Variants in PRDM9 observed in about 807,000 individuals in gnomAD.
PRDM9 encodes the protein histone-lysine N-methyltransferase PRDM9.
In PRDM9, 47 loss-of-function variants were observed where a neutral mutation model predicts 55.6. The ratio of observed to expected loss-of-function variants is 0.85; its 90% confidence interval spans 0.67 to 1.08. The LOEUF is 1.08. PRDM9 is among the 50% of genes least tolerant of loss of function. The probability of loss-of-function intolerance (pLI) is 0.00; values close to 1 mark genes in which losing one functional copy is unlikely to be tolerated. For missense variants in PRDM9, 867 were observed against 1,040.3 expected (o/e 0.83, Z 2.29); for synonymous variants, 312 against 375.7 (o/e 0.83, Z 1.96).
intron 9 of PRDM9, among the ~76,000 whole-genome samples, chr5:23,523,617 C>T (rs975575664): frequency 5.9e-5 from 9 of 152,130 alleles, no homozygotes; most frequent in Non-Finnish European, 1.2e-4. Flanking sequence ...AGCCTAGATT[C>T]ACGGGGGACT....
chr5:23,524,771 T>C (rs1166084833), intron 10 of PRDM9, among the ~76,000 whole-genome samples: 3 of 152,232 alleles, frequency 2.0e-5, no homozygotes, highest in Non-Finnish European at 4.4e-5. Flanking sequence ...TATAACAGCA[T>C]ATAGTGCTGA....
chr5:23,514,966 C>CT (rs35577341), intron 4 of PRDM9, among the ~76,000 whole-genome samples: 32,241 of 142,166 alleles, frequency 0.23, 3,841 homozygotes, highest in East Asian at 0.37. Flanking sequence ...AATATTAACT[C>CT]TTTTTTTTTT....
rs1424119665 is a variant in PRDM9, at chr5:23,523,333, G to C, written c.925G>C (p.Asp309His). The change falls in exon 9 of 11, where the codon GAT (aspartate) becomes CAT (histidine). Residue 309 changes from aspartate (D) to histidine (H), a missense_variant. Physicochemically the swap from Asp to His is moderately conservative, Grantham distance 81 (BLOSUM62 -1). Transcript: ENST00000296682. ...RNCYEYVDGK[D>H]KSWANWMRYV... ...CTGCTATGAGTATGTGGATGGAAAAGATAAATCCTGGGCCAACTGGATGAG... is the reference window on the plus strand; with the variant it reads ...CTGCTATGAGTATGTGGATGGAAAACATAAATCCTGGGCCAACTGGATGAG... 3.7e-6 allele frequency: 6 copies of C among 1,613,952 alleles called. No homozygotes were observed. The highest frequency in any genetic ancestry group is 1.3e-5 in the African/African-American group (1 of 74,916).
chr5:23,528,001 C>G lies in PRDM9; in HGVS notation c.*228C>G. 3.0e-6 allele frequency: 2 copies of G among 663,254 alleles called. No homozygotes were observed. Among genetic ancestry groups the G allele is most frequent in the Non-Finnish European group, 5.1e-6 (2 of 388,824 alleles). The allele number at this position is 663,254 out of a possible 1,614,324, so 41.1% of individuals were successfully genotyped here. A position where few individuals can be genotyped will look rare whatever the true frequency, so the allele number is the denominator to read the frequency against. The stretch of plus-strand genomic sequence containing the variant: ...TCTGTAAGTGTTCGGGGGACATCAG[C>G]ATGTGTGGTTCTTTCCCGCACTGAT... On this transcript the variant is annotated 3_prime_UTR_variant, in exon 11 of 11. Transcript: ENST00000296682.
Position 23,526,462 on chromosome 5 carries a change from A to G in PRDM9, c.1374A>G (p.Glu458=). Residue 458 remains glutamate, a synonymous_variant, in exon 11 of 11, where the codon GAA becomes GAG. Coordinates refer to ENST00000296682, the MANE Select transcript of PRDM9 (RefSeq NM_020227.4). ...NDKTKGQEIK[E]RSKLLNKRTW... ...AAACCAAAGGTCAAGAGATCAAAGA[A>G]AGGTCCAAACTCTTGAATAAAAGGA... 6.2e-7 allele frequency: 1 copy of G among 1,614,180 alleles called. No individual in the cohort carries two copies. Among genetic ancestry groups the G allele is most frequent in the South Asian group, 1.1e-5 (1 of 91,082 alleles).
rs1739038485 is a variant in PRDM9, at chr5:23,509,099, C to T, written c.66C>T (p.Pro22=). ...EEDTERTERK[P]MVKDAFKDIS... The stretch of plus-strand genomic sequence containing the variant: ...ACACAGAGAGAACAGAGCGGAAGCC[C>T]ATGGTGAGAAGTGGAGGAAGCGAAG... The change falls in exon 2 of 11, where the codon CCC becomes CCT. Residue 22 remains proline, a synonymous_variant. Transcript: ENST00000296682. The T allele has an allele frequency of 6.2e-7, 1 of 1,613,942 alleles. No homozygotes were observed. Among genetic ancestry groups the T allele is most frequent in the Admixed American group, 1.7e-5 (1 of 60,006 alleles).
rs993047962 is a variant in PRDM9 at position 23,523,487 on chromosome 5, C to T, written c.950+129C>T. The T allele has an allele frequency of 3.4e-6, 3 of 874,886 alleles. No individual in the cohort carries two copies. The African/African-American group carries it at 5.1e-5, about 15-fold the overall frequency. 54.2% of individuals were successfully genotyped at this position (874,886 alleles called of 1,614,324 possible). ...TATTTCTATTTTTCTCCATACAATG[C>T]TGTTTTATACCATCAACATTTAGAA... On this transcript the variant is annotated intron_variant, in intron 9 of 10. Coordinates refer to ENST00000296682, the MANE Select transcript of PRDM9 (RefSeq NM_020227.4).
At chr5:23,516,724 C>CT (rs549115370) in intron 4 of PRDM9, among the ~76,000 whole-genome samples, 175 of 119,968 alleles carry the variant, frequency 1.5e-3, no homozygotes, top group Middle Eastern at 5.6e-3. Context: ...TTATAGTTTT[C>CT]TTTTTTTTTT....
chr5:23,520,238 G>A (rs1468759176), intron 5 of PRDM9, among the ~76,000 whole-genome samples: 1 of 149,018 alleles, frequency 6.7e-6, no homozygotes, highest in Non-Finnish European at 1.5e-5. Context: ...GGTGGCACAT[G>A]CCTGTAATCC....
At chr5:23,516,822 C>T (rs1277005554) in intron 4 of PRDM9, among the ~76,000 whole-genome samples, 8 of 146,596 alleles carry the variant, frequency 5.5e-5, no homozygotes, top group African/African-American at 1.3e-4. Context: ...CAGATTGAAG[C>T]GATTCTCCTG....
chr5:23,526,865 T>C lies in PRDM9; in HGVS notation c.1777T>C (p.Ser593Pro), dbSNP rs773785095. 3.1e-6 allele frequency: 5 copies of C among 1,600,826 alleles called. No individual in the cohort carries two copies. The highest frequency in any genetic ancestry group is 1.4e-5 in the African/African-American group (1 of 71,036). Residue 593 changes from serine (S) to proline (P), a missense_variant, in exon 11 of 11, where the codon TCA becomes CCA. By Grantham distance (74) the Ser-to-Pro change is moderately conservative. Transcript: ENST00000296682. ...GTGTGGGCGGGGCTTTAGCTGGCAGTCAGTCCTCCTCACTCACCAGAGGAC... is the reference window on the plus strand; with the variant it reads ...GTGTGGGCGGGGCTTTAGCTGGCAGCCAGTCCTCCTCACTCACCAGAGGAC... ...RECGRGFSWQ[S>P]VLLTHQRTHT...
chr5:23,526,704 T>G lies in PRDM9; in HGVS notation c.1616T>G (p.Val539Gly). ...CAAGGTTTCAGTGTTAAATCAGATGTTATTACACACCAAAGGACACATACA... is the reference window on the plus strand; with the variant it reads ...CAAGGTTTCAGTGTTAAATCAGATGGTATTACACACCAAAGGACACATACA... ...CGQGFSVKSD[V>G]ITHQRTHTGE... The change falls in exon 11 of 11, where the codon GTT (valine) becomes GGT (glycine). Residue 539 changes from valine (V) to glycine (G), a missense_variant. Val to Gly is a moderately radical substitution (Grantham distance 109, BLOSUM62 -3). This residue lies in a region of PRDM9 where 662 missense variants were observed against 711.9 expected (regional missense o/e 0.93). Coordinates refer to ENST00000296682, the MANE Select transcript of PRDM9 (RefSeq NM_020227.4). 6.2e-7 allele frequency: 1 copy of G among 1,614,246 alleles called. No homozygotes were observed.
chr5:23,518,892 G>C (rs1314021123), intron 5 of PRDM9, among the ~76,000 whole-genome samples: 2 of 152,204 alleles, frequency 1.3e-5, no homozygotes, highest in African/African-American at 4.8e-5. Context: ...CCAGATCAGG[G>C]CCTCTGAGAG....
Position 23,526,169 on chromosome 5 carries a change from A to G in PRDM9, c.1145-64A>G, listed in dbSNP as rs1739424115. 1.2e-5 allele frequency: 18 copies of G among 1,510,984 alleles called. 1 individual carries two copies. The Admixed American group carries it at 1.7e-4, about 14-fold the overall frequency. 93.6% of individuals were successfully genotyped at this position (1,510,984 alleles called of 1,614,324 possible). ...ATGATTGTTTCTTCATTTGATCTTC[A>G]TACCTTCATATGTGGTAAGGCCTGA... On this transcript the variant is annotated intron_variant, in intron 10 of 10. Transcript: ENST00000296682.
intron 5 of PRDM9, among the ~76,000 whole-genome samples, chr5:23,520,817 G>A (rs1170179932): frequency 3.3e-5 from 5 of 152,128 alleles, no homozygotes; most frequent in African/African-American, 1.2e-4. Context: ...TTTAGAGAAA[G>A]TTGAAGGAAA....
At chr5:23,510,443 C>T (rs1739072188) in intron 4 of PRDM9, among the ~76,000 whole-genome samples, 1 of 151,974 alleles carries the variant, frequency 6.6e-6, no homozygotes, top group South Asian at 2.1e-4. Flanking sequence ...ACTGCAGCCT[C>T]TGCCTTCCGG....
chr5:23,520,281 C>G (rs1383428738), intron 5 of PRDM9, among the ~76,000 whole-genome samples: 1 of 142,014 alleles, frequency 7.0e-6, no homozygotes, highest in African/African-American at 2.6e-5. Context: ...AGAAGAATCT[C>G]TTGAACTTGG....
intron 9 of PRDM9, 47 bp from the exon 10 acceptor site, chr5:23,524,287 G>A (rs762371270): frequency 6.3e-7 from 1 of 1,595,492 alleles, no homozygotes; most frequent in Non-Finnish European, 8.6e-7. Flanking sequence ...ATCTGATACT[G>A]GGAACTCACT....
chr5:23,508,994 C>A lies in PRDM9; in HGVS notation c.-40C>A. Reference sequence around the variant, plus strand: ...TGGGAGACTCAGGGCCCTTCTCACACTCAGAATTGGAGCAGGGCCTTCTAG... The same window carrying A: ...TGGGAGACTCAGGGCCCTTCTCACAATCAGAATTGGAGCAGGGCCTTCTAG... On this transcript the variant is annotated 5_prime_UTR_variant, in exon 2 of 11. Coordinates refer to ENST00000296682, the MANE Select transcript of PRDM9 (RefSeq NM_020227.4). 1 of 1,610,644 alleles carries A rather than the reference C, an allele frequency of 6.2e-7. No individual in the cohort carries two copies. Among genetic ancestry groups the A allele is most frequent in the Non-Finnish European group, 8.5e-7 (1 of 1,177,368 alleles).
Sources: allele counts gnomAD v4.1 joint callset (sites outside exome capture counted in the v4.1 genomes callset), GRCh38; gene constraint gnomAD v4.1.1; regional missense constraint gnomAD v4.1.1; transcripts MANE v1.5; gene names NCBI Gene and HGNC (gene_info 2026-07-23, HGNC 2026-07-21).